Variants in ERI1 observed in about 807,000 individuals in gnomAD.
ERI1 encodes the protein exoribonuclease 1.
Under a neutral mutation model 39.7 loss-of-function variants are expected in ERI1, and 39 were observed. The observed-to-expected ratio is 0.98, with a 90% CI of 0.76 to 1.28. The LOEUF (loss-of-function observed/expected upper bound fraction) is 1.28, where lower values mean the gene tolerates loss of function less well. Among genes scored for constraint, ERI1 ranks in the 50% most tolerant of loss-of-function variants. The probability of loss-of-function intolerance (pLI) is 0.00; values close to 1 mark genes in which losing one functional copy is unlikely to be tolerated. For missense variants in ERI1, 581 were observed against 416.9 expected (o/e 1.39, Z -3.43); for synonymous variants, 204 against 149.6 (o/e 1.36, Z -2.65).
intron 3 of ERI1, among the ~76,000 whole-genome samples, chr8:9,061,030 C>T (rs1018107137): frequency 4.6e-5 from 7 of 152,152 alleles, no homozygotes; most frequent in African/African-American, 1.4e-4. Flanking sequence ...ACGCGTAGTC[C>T]TTTTGCAAGA....
At chr8:9,057,578 C>T (rs572959595) in intron 3 of ERI1, among the ~76,000 whole-genome samples, 6 of 152,160 alleles carry the variant, frequency 3.9e-5, no homozygotes, top group African/African-American at 4.8e-5. Context: ...TTTTTATGGG[C>T]CCTTTATGAG....
At chr8:9,047,510 A>G (rs927858678) in intron 3 of ERI1, among the ~76,000 whole-genome samples, 1 of 143,644 alleles carries the variant, frequency 7.0e-6, no homozygotes, top group African/African-American at 2.5e-5. Context: ...CCCCATCTCT[A>G]AAAAAAAAAA....
intron 6 of ERI1, among the ~76,000 whole-genome samples, chr8:9,026,293 C>G (rs1044581010): frequency 1.3e-5 from 2 of 152,282 alleles, no homozygotes; most frequent in African/African-American, 4.8e-5. Flanking sequence ...CACAACAGTT[C>G]AGTGGCATTA....
At position 9,040,281 on chromosome 8, in the gene ERI1, G is replaced by C. The variant is rs142690179; in HGVS notation, n.299+19817G>C. Among the ~76,000 whole-genome samples the C allele has an allele frequency of 7.9e-5, 12 of 152,252 alleles. No homozygotes were observed. In the South Asian group the frequency reaches 8.3e-4, roughly 11 times the overall value. ...ATTCACATTTTGAATATCCTAACAAGTCCCCAAACATCCCCATTTCTAAAT... is the reference window on the plus strand; with the variant it reads ...ATTCACATTTTGAATATCCTAACAACTCCCCAAACATCCCCATTTCTAAAT... On this transcript the variant is annotated intron_variant and non_coding_transcript_variant, in intron 3 of 3. Coordinates refer to the ERI1 transcript ENST00000518663.
chr8:9,023,956 G>A (rs563093476), intron 6 of ERI1, among the ~76,000 whole-genome samples: 22 of 151,928 alleles, frequency 1.4e-4, no homozygotes, highest in Admixed American at 1.4e-3. Context: ...GTGCCACCAC[G>A]TCTGGCTGAT....
chr8:9,032,014 T>A lies in ERI1; in HGVS notation c.*1980T>A, dbSNP rs1797624871. 6.6e-6 allele frequency: 1 copy of A among 152,254 alleles called. No homozygotes were observed. The highest frequency in any genetic ancestry group is 1.5e-5 in the Non-Finnish European group (1 of 68,088). The allele number at this position is 152,254 out of a possible 1,614,324, so 9.4% of individuals were successfully genotyped here. A position where few individuals can be genotyped will look rare whatever the true frequency, so the allele number is the denominator to read the frequency against. On this transcript the variant is annotated 3_prime_UTR_variant, in exon 7 of 7. Transcript: ENST00000250263. ...CTCAAGTGATTTGCCCACCTTGACCTCCTACAGACGTGAGCCACTGCGCTC... is the reference window on the plus strand; with the variant it reads ...CTCAAGTGATTTGCCCACCTTGACCACCTACAGACGTGAGCCACTGCGCTC...
chr8:9,007,139 A>G (rs1816105417), intron 1 of ERI1, among the ~76,000 whole-genome samples: 1 of 152,234 alleles, frequency 6.6e-6, no homozygotes. Context: ...CCTGTGGAGA[A>G]AATAGAATTG....
At chr8:9,009,972 G>C (rs1418810910) in intron 2 of ERI1, among the ~76,000 whole-genome samples, 4 of 152,228 alleles carry the variant, frequency 2.6e-5, no homozygotes, top group Non-Finnish European at 5.9e-5. Flanking sequence ...GTAAGCAGAA[G>C]GGAGCCACTG....
At chr8:9,018,234 A>C in intron 4 of ERI1, 63 bp from the exon 5 acceptor site, 2 of 863,096 alleles carry the variant, frequency 2.3e-6, no homozygotes, top group Non-Finnish European at 3.7e-6. Flanking sequence ...AGGTCTGGGT[A>C]TTTTGTAGGT....
At chr8:9,074,267 T>C (rs1331858714) in intron 3 of ERI1, among the ~76,000 whole-genome samples, 2 of 151,784 alleles carry the variant, frequency 1.3e-5, no homozygotes, top group African/African-American at 4.8e-5. Context: ...CCCGCCACCA[T>C]GCCTGGCTAA....
chr8:9,009,060 C>G (rs1178720814), intron 2 of ERI1: 1 of 456,136 alleles, frequency 2.2e-6, no homozygotes, highest in Non-Finnish European at 4.4e-6. Context: ...AGAAGATTTT[C>G]CGAGCAAAAT....
intron 1 of ERI1, among the ~76,000 whole-genome samples, chr8:9,005,752 C>A (rs980581986): frequency 2.0e-5 from 3 of 152,158 alleles, no homozygotes; most frequent in Admixed American, 6.5e-5. Flanking sequence ...CCTCGGCCTC[C>A]CAAAGTGCTG....
At chr8:9,080,095 C>A (rs1051177178) in intron 3 of ERI1, among the ~76,000 whole-genome samples, 1 of 151,484 alleles carries the variant, frequency 6.6e-6, no homozygotes, top group African/African-American at 2.4e-5. Context: ...ATTGGCTGTA[C>A]ATTGTTAGGC....
rs545978361 is a variant in ERI1 at position 9,016,417 on chromosome 8, A to G, written c.582+12A>G. 7.0e-5 allele frequency: 107 copies of G among 1,538,396 alleles called. No homozygotes were observed. Among genetic ancestry groups the G allele is most frequent in the Admixed American group, 3.5e-4 (19 of 53,816 alleles). On this transcript the variant is annotated intron_variant, in intron 4 of 6. Coordinates refer to ENST00000250263, the MANE Select transcript of ERI1 (RefSeq NM_153332.4). ...CTGGAATTACTCAGGTTATAATTCT[A>G]AGTTCTTCTTTCTAGAGTTTGAAAG...
At chr8:9,092,458 A>G (rs1452177126) in intron 3 of ERI1, among the ~76,000 whole-genome samples, 1 of 152,198 alleles carries the variant, frequency 6.6e-6, no homozygotes, top group Non-Finnish European at 1.5e-5. Context: ...TATAGCCACA[A>G]ACTGGTTCAT....
At chr8:9,040,385 A>G (rs1585251963) in intron 3 of ERI1, among the ~76,000 whole-genome samples, 2 of 152,328 alleles carry the variant, frequency 1.3e-5, no homozygotes, top group South Asian at 4.1e-4. Flanking sequence ...TCCGGGTGGT[A>G]GGAGGCTTCT....
At chr8:9,089,224 T>C (rs1487244697) in intron 3 of ERI1, among the ~76,000 whole-genome samples, 1 of 152,224 alleles carries the variant, frequency 6.6e-6, no homozygotes, top group Non-Finnish European at 1.5e-5. Context: ...GAAAGATGAT[T>C]CTGGCATATT....
At chr8:9,098,678 A>C (rs1449437083) in intron 3 of ERI1, among the ~76,000 whole-genome samples, 1 of 152,160 alleles carries the variant, frequency 6.6e-6, no homozygotes, top group Non-Finnish European at 1.5e-5. Flanking sequence ...AAAAGACCTT[A>C]TTCATGTAAC....
chr8:9,017,864 C>T (rs1258522093), intron 4 of ERI1, among the ~76,000 whole-genome samples: 1 of 152,050 alleles, frequency 6.6e-6, no homozygotes, highest in East Asian at 1.9e-4. Context: ...TAGGGCGGAC[C>T]CGATTTACGT....
Sources: allele counts gnomAD v4.1 joint callset (sites outside exome capture counted in the v4.1 genomes callset), GRCh38; gene constraint gnomAD v4.1.1; transcripts MANE v1.5; gene names NCBI Gene and HGNC (gene_info 2026-07-23, HGNC 2026-07-21).